PTPRD: variants seen among roughly 807,000 people sequenced by gnomAD.
PTPRD encodes the protein receptor-type tyrosine-protein phosphatase delta.
In PTPRD, 34 loss-of-function variants were observed where a neutral mutation model predicts 214.5. That is an observed-to-expected ratio of 0.16 (90% CI 0.12 to 0.21). The LOEUF (loss-of-function observed/expected upper bound fraction) is 0.21, where lower values mean the gene tolerates loss of function less well. PTPRD is among the 10% of genes least tolerant of loss of function. The probability of loss-of-function intolerance (pLI) is 1.00; values close to 1 mark genes in which losing one functional copy is unlikely to be tolerated. For synonymous variants in PTPRD, 1,128 were observed against 845.7 expected (o/e 1.33, Z -5.79); for missense variants, 2,545 against 2,398.7 (o/e 1.06, Z -1.27).
At chr9:9,950,622 G>T (rs1281203351) in intron 4 of PTPRD, among the ~76,000 whole-genome samples, 1 of 77,946 alleles carries the variant, frequency 1.3e-5, no homozygotes, top group Non-Finnish European at 2.0e-5. Flanking sequence ...TACTTGGGAG[G>T]CTGAGGCAGG....
chr9:8,817,315 A>G (rs1304334093), intron 11 of PTPRD, among the ~76,000 whole-genome samples: 1 of 152,224 alleles, frequency 6.6e-6, no homozygotes, highest in Non-Finnish European at 1.5e-5. Context: ...ATGTTGAATA[A>G]ATCTTTCATA....
intron 6 of PTPRD, among the ~76,000 whole-genome samples, chr9:9,735,417 A>T (rs1476360721): frequency 1.3e-5 from 2 of 152,142 alleles, no homozygotes; most frequent in African/African-American, 4.8e-5. Context: ...TTTGAAAAAC[A>T]CATGTCTTTC....
At chr9:9,775,807 A>T (rs771308399) in intron 5 of PTPRD, among the ~76,000 whole-genome samples, 4 of 151,836 alleles carry the variant, frequency 2.6e-5, no homozygotes, top group East Asian at 1.9e-4. Flanking sequence ...AAACAAAAAA[A>T]TAGCCGGGCA....
chr9:8,965,818 C>T (rs1179094645), intron 11 of PTPRD, among the ~76,000 whole-genome samples: 2 of 152,106 alleles, frequency 1.3e-5, no homozygotes, highest in South Asian at 2.1e-4. Context: ...AAATAAAAGG[C>T]ATCCAAATAG....
At position 9,946,568 on chromosome 9, in the gene PTPRD, G is replaced by A. The variant is rs950792251; in HGVS notation, c.-471-7958C>T. Among the ~76,000 whole-genome samples the A allele has an allele frequency of 3.3e-5, 5 of 152,006 alleles. No individual in the cohort carries two copies. The South Asian group carries it at 6.2e-4, about 19-fold the overall frequency. ...TGTGACTTTTTGCCTGGATCTTACCGAGGCACACTCTTTTTGCAAAGGGAA... is the reference window on the plus strand; with the variant it reads ...TGTGACTTTTTGCCTGGATCTTACCAAGGCACACTCTTTTTGCAAAGGGAA... On this transcript the variant is annotated intron_variant, in intron 4 of 45. Coordinates refer to ENST00000381196, the MANE Select transcript of PTPRD (RefSeq NM_002839.4).
chr9:10,165,052 T>C (rs889358980), intron 3 of PTPRD, among the ~76,000 whole-genome samples: 2 of 151,592 alleles, frequency 1.3e-5, no homozygotes, highest in Non-Finnish European at 1.5e-5. Context: ...AATTAGAAGA[T>C]GTAGGAAATA....
At chr9:9,212,938 A>T (rs943451722) in intron 9 of PTPRD, among the ~76,000 whole-genome samples, 2 of 152,188 alleles carry the variant, frequency 1.3e-5, no homozygotes, top group African/African-American at 4.8e-5. Context: ...ACTGTAACTT[A>T]TGGAATTAGC....
chr9:10,249,267 ACTTAGTTCT>A (rs1290028320), intron 3 of PTPRD, among the ~76,000 whole-genome samples: 1 of 152,146 alleles, frequency 6.6e-6, no homozygotes, highest in East Asian at 1.9e-4. Context: ...TGAAAAGTAA[ACTTAGTTCT>A]CTTTTGTGTT....
rs555960276 is a variant in PTPRD at position 9,736,728 on chromosome 9, CAT to C, written c.-325-2159_-325-2158del. On this transcript the variant is annotated intron_variant, in intron 6 of 45. Transcript: ENST00000381196. The stretch of plus-strand genomic sequence containing the variant: ...TTTTCATATGTTTATTAGTCATACA[CAT>C]GTGTATTCATCTGAGAAGGTTTTTT... Among the ~76,000 whole-genome samples the C allele has an allele frequency of 9.9e-5, 15 of 152,092 alleles. No individual in the cohort carries two copies. In the South Asian group the frequency reaches 1.0e-3, roughly 11 times the overall value.
Position 10,027,282 on chromosome 9 carries a change from T to C in PTPRD, c.-472+6436A>G, listed in dbSNP as rs754905177. Among the ~76,000 whole-genome samples, 2 of 152,202 alleles carry C rather than the reference T, an allele frequency of 1.3e-5. 1 individual carries two copies. Among genetic ancestry groups the C allele is most frequent in the South Asian group, 4.1e-4 (2 of 4,832 alleles). On this transcript the variant is annotated intron_variant, in intron 4 of 45. Transcript: ENST00000381196. ...TTAGTGAATAAATGGGAACTTTTCA[T>C]CATGTTGTTAAAAATAGTTGTTTGA...
At chr9:10,518,749 G>A (rs1016293927) in intron 2 of PTPRD, among the ~76,000 whole-genome samples, 1 of 151,840 alleles carries the variant, frequency 6.6e-6, no homozygotes, top group Non-Finnish European at 1.5e-5. Context: ...AGCCAAGATG[G>A]TCTTGATCTC....
At chr9:8,972,924 A>T (rs1291228369) in intron 11 of PTPRD, among the ~76,000 whole-genome samples, 1 of 151,636 alleles carries the variant, frequency 6.6e-6, no homozygotes, top group Non-Finnish European at 1.5e-5. Flanking sequence ...TGTTTTAGAG[A>T]CGTTTAATAG....
chr9:10,145,676 C>T (rs1294078823), intron 3 of PTPRD, among the ~76,000 whole-genome samples: 1 of 151,528 alleles, frequency 6.6e-6, no homozygotes, highest in Non-Finnish European at 1.5e-5. Context: ...GGATTGGTAC[C>T]ATTAACCTCT....
chr9:8,642,694 G>C (rs1204987008), intron 12 of PTPRD, among the ~76,000 whole-genome samples: 1 of 152,162 alleles, frequency 6.6e-6, no homozygotes, highest in Non-Finnish European at 1.5e-5. Flanking sequence ...TGGTCTGAAG[G>C]TTTGAGGGGA....
At position 9,508,262 on chromosome 9, in the gene PTPRD, C is replaced by T. The variant is rs1034840415; in HGVS notation, c.-237+66470G>A. Among the ~76,000 whole-genome samples, 27 of 151,470 alleles carry T rather than the reference C, an allele frequency of 1.8e-4. 1 individual carries two copies. Among genetic ancestry groups the T allele is most frequent in the African/African-American group, 4.3e-4 (18 of 41,424 alleles). Reference sequence around the variant, plus strand: ...GTATCTATTTTCCTTATACAAGAAGCGCTCCAGTGGCCCCTACCACTAATG... The same window carrying T: ...GTATCTATTTTCCTTATACAAGAAGTGCTCCAGTGGCCCCTACCACTAATG... On this transcript the variant is annotated intron_variant, in intron 8 of 45. Transcript: ENST00000381196.
At chr9:8,943,880 C>A (rs760549600) in intron 11 of PTPRD, among the ~76,000 whole-genome samples, 15 of 151,326 alleles carry the variant, frequency 9.9e-5, no homozygotes, top group Non-Finnish European at 2.2e-4. Context: ...CACAAGCAAC[C>A]AAAACAAAAA....
intron 10 of PTPRD, among the ~76,000 whole-genome samples, chr9:9,088,439 G>A (rs910416088): frequency 1.1e-4 from 17 of 151,292 alleles, no homozygotes; most frequent in Admixed American, 7.9e-4. Context: ...AATTAGCTGG[G>A]CATGGTGGCA....
At chr9:9,596,022 T>G (rs1262740359) in intron 7 of PTPRD, among the ~76,000 whole-genome samples, 9 of 152,188 alleles carry the variant, frequency 5.9e-5, no homozygotes, top group Non-Finnish European at 1.5e-5. Context: ...GAAGTTTGTG[T>G]GATCTCATGG....
At chr9:9,078,461 G>C (rs1205105252) in intron 10 of PTPRD, among the ~76,000 whole-genome samples, 6 of 152,082 alleles carry the variant, frequency 3.9e-5, no homozygotes, top group African/African-American at 1.4e-4. Flanking sequence ...GGCTTCGAAA[G>C]GGCTGACCAA....
Sources: gnomAD v4.1 joint callset for allele counts (sites outside exome capture counted in the v4.1 genomes callset) on GRCh38, gnomAD v4.1.1 for gene constraint, MANE v1.5 for transcripts, NCBI Gene and HGNC (gene_info 2026-07-23, HGNC 2026-07-21) for gene names.